Variants in CRYL1 observed in about 807,000 individuals in gnomAD.
CRYL1 encodes crystallin lambda 1.
CRYL1 carries 29 observed loss-of-function variants against 36.6 expected under a neutral mutation model. The ratio of observed to expected loss-of-function variants is 0.79; its 90% CI spans 0.59 to 1.08. The LOEUF (loss-of-function observed/expected upper bound fraction) is 1.08, where lower values mean the gene tolerates loss of function less well. Among genes scored for constraint, CRYL1 ranks in the 50% least tolerant of loss-of-function variants. The pLI is 0.00. For synonymous variants in CRYL1, 152 were observed against 151.5 expected (o/e 1.00, Z -0.02); for missense variants, 411 against 407.9 (o/e 1.01, Z -0.06).
At chr13:20,450,779 C>T (rs2032553563) in intron 3 of CRYL1, among the ~76,000 whole-genome samples, 1 of 152,138 alleles carries the variant, frequency 6.6e-6, no homozygotes, top group African/African-American at 2.4e-5. Context: ...CATTGTGGCA[C>T]TATTCACAAT....
Position 20,412,828 on chromosome 13 carries a change from T to C in CRYL1, c.739+454A>G, listed in dbSNP as rs1462018007. Reference sequence around the variant, plus strand: ...AGCCTGTGGAAGCCCTCCCTCACTATAGGCTCCCTAGCCTTCTAGAAGAAA... The same window carrying C: ...AGCCTGTGGAAGCCCTCCCTCACTACAGGCTCCCTAGCCTTCTAGAAGAAA... On this transcript the variant is annotated intron_variant, in intron 6 of 7. Transcript: ENST00000298248. Among the ~76,000 whole-genome samples, 4 of 152,184 alleles carry C rather than the reference T, an allele frequency of 2.6e-5. No individual in the cohort carries two copies. The South Asian group carries it at 6.2e-4, about 24-fold the overall frequency.
intron 5 of CRYL1, chr13:20,430,626 G>A (rs2032037991): frequency 1.0e-6 from 1 of 985,248 alleles, no homozygotes; most frequent in African/African-American, 1.7e-5. Flanking sequence ...AGTTCTTTGT[G>A]TACACCTCCC....
At chr13:20,434,873 A>C (rs985844272) in intron 4 of CRYL1, among the ~76,000 whole-genome samples, 18 of 151,362 alleles carry the variant, frequency 1.2e-4, no homozygotes, top group African/African-American at 4.4e-4. Flanking sequence ...TCTCTCAAAA[A>C]AATCATTGCC....
At chr13:20,408,526 G>T (rs563426201) in intron 6 of CRYL1, among the ~76,000 whole-genome samples, 1 of 152,192 alleles carries the variant, frequency 6.6e-6, no homozygotes, top group East Asian at 1.9e-4. Context: ...CGAGTCTAAA[G>T]CTTAGCAAAG....
chr13:20,418,520 A>C (rs1052583230), intron 5 of CRYL1: 2 of 152,224 alleles, frequency 1.3e-5, no homozygotes, highest in African/African-American at 4.8e-5. Context: ...ATCACCAGCT[A>C]CACCGAACCA....
intron 5 of CRYL1, among the ~76,000 whole-genome samples, chr13:20,428,075 A>T (rs2031973003): frequency 6.6e-6 from 1 of 152,230 alleles, no homozygotes; most frequent in Non-Finnish European, 1.5e-5. Flanking sequence ...TTTCACTGGA[A>T]AATTCTACCA....
At chr13:20,433,599 G>T (rs535302243) in intron 4 of CRYL1, among the ~76,000 whole-genome samples, 1 of 152,228 alleles carries the variant, frequency 6.6e-6, no homozygotes, top group South Asian at 2.1e-4. Flanking sequence ...TCGATGCCTC[G>T]GTTAAACACC....
At chr13:20,470,751 C>T (rs1468765371) in intron 3 of CRYL1, among the ~76,000 whole-genome samples, 1 of 151,666 alleles carries the variant, frequency 6.6e-6, no homozygotes, top group African/African-American at 2.4e-5. Context: ...TCCACTAAAA[C>T]TACAAAAAAT....
At position 20,459,006 on chromosome 13, in the gene CRYL1, C is replaced by T. The variant is rs565224218; in HGVS notation, c.277-19252G>A. ...ATCCCAGCACTTTGGGAGGCCGAGG[C>T]GGGCGGATCACAAGGTCAGGAGATC... On this transcript the variant is annotated intron_variant, in intron 3 of 7. Coordinates refer to ENST00000298248, the MANE Select transcript of CRYL1 (RefSeq NM_015974.3). Among the ~76,000 whole-genome samples the T allele has an allele frequency of 1.0e-3, 156 of 152,226 alleles. 1 individual carries two copies. Among genetic ancestry groups the T allele is most frequent in the Middle Eastern group, 6.8e-3 (2 of 294 alleles).
intron 1 of CRYL1, among the ~76,000 whole-genome samples, chr13:20,518,815 G>A (rs1241422175): frequency 6.6e-6 from 1 of 152,172 alleles, no homozygotes; most frequent in East Asian, 1.9e-4. Context: ...TATTTTCACA[G>A]TACAGCCAAG....
intron 5 of CRYL1, among the ~76,000 whole-genome samples, chr13:20,422,121 G>A (rs1348824784): frequency 6.6e-6 from 1 of 152,124 alleles, no homozygotes; most frequent in Admixed American, 6.6e-5. Context: ...CACTTTGGGA[G>A]GCCAAGGCAG....
chr13:20,413,592 C>CA (rs2031579235), intron 5 of CRYL1, among the ~76,000 whole-genome samples: 1 of 152,162 alleles, frequency 6.6e-6, no homozygotes, highest in Non-Finnish European at 1.5e-5. Flanking sequence ...TTAGCATATG[C>CA]ATAATGAGAT....
intron 5 of CRYL1, chr13:20,426,632 A>T: frequency 1.1e-6 from 1 of 924,940 alleles, no homozygotes; most frequent in Non-Finnish European, 1.3e-6. Flanking sequence ...AGAGCCAGGG[A>T]CGTGGTATGT....
intron 2 of CRYL1, among the ~76,000 whole-genome samples, chr13:20,491,052 G>A (rs940620834): frequency 4.6e-5 from 7 of 152,026 alleles, no homozygotes; most frequent in Admixed American, 1.3e-4. Context: ...CTACACATGC[G>A]TGCCACCACG....
intron 2 of CRYL1, among the ~76,000 whole-genome samples, chr13:20,506,024 C>T (rs1387668718): frequency 2.0e-5 from 3 of 152,028 alleles, no homozygotes; most frequent in East Asian, 1.9e-4. Context: ...ACTCTCTGTG[C>T]GGGAATGGTA....
At position 20,489,448 on chromosome 13, in the gene CRYL1, CAG is replaced by C. The variant is rs758868082; in HGVS notation, c.196_197del (p.Leu66GlufsTer48). Reference protein sequence around the residue: ...LEQAGSLKGSLSVEEQLSLIS... With the variant: ...LEQAGSLKGSXSVEEQLSLIS... ...TGAGTGACAGCTGCTCTTCCACACTCAGGGAGCCTTTCAGAGAACCTGCCTGC... is the reference window on the plus strand; with the variant it reads ...TGAGTGACAGCTGCTCTTCCACACTCGGAGCCTTTCAGAGAACCTGCCTGC... On this transcript the variant is annotated frameshift_variant, in exon 3 of 8. Transcript: ENST00000298248. LOFTEE classifies it high-confidence loss of function. The C allele has an allele frequency of 6.2e-7, 1 of 1,613,664 alleles. No homozygotes were observed. The highest frequency in any genetic ancestry group is 8.5e-7 in the Non-Finnish European group (1 of 1,180,014).
intron 2 of CRYL1, among the ~76,000 whole-genome samples, chr13:20,490,944 C>T (rs958928065): frequency 5.3e-5 from 8 of 152,184 alleles, no homozygotes; most frequent in East Asian, 1.9e-4. Flanking sequence ...CCTGCTCTGT[C>T]GCCCAGGCTG....
At chr13:20,431,212 G>A (rs1158638727) in intron 5 of CRYL1, 13 of 985,302 alleles carry the variant, frequency 1.3e-5, no homozygotes, top group African/African-American at 1.7e-5. Context: ...TCAGCTTCCT[G>A]GTTGCCATCT....
intron 5 of CRYL1, among the ~76,000 whole-genome samples, chr13:20,430,023 C>T (rs1246142690): frequency 6.6e-6 from 1 of 152,072 alleles, no homozygotes; most frequent in East Asian, 1.9e-4. Context: ...TCCATGCTCC[C>T]TCTCTGCCAG....
Sources: gnomAD v4.1 joint callset for allele counts (sites outside exome capture counted in the v4.1 genomes callset) on GRCh38, gnomAD v4.1.1 for gene constraint, MANE v1.5 for transcripts, NCBI Gene and HGNC (gene_info 2026-07-23, HGNC 2026-07-21) for gene names.